The following GPHN variants were observed in gnomAD, a reference collection of about 807,000 sequenced individuals.
GPHN encodes the protein gephyrin.
Under a neutral mutation model 95.5 loss-of-function variants are expected in GPHN, and 17 were observed. The ratio of observed to expected loss-of-function variants is 0.18; its 90% CI spans 0.12 to 0.27. GPHN has a LOEUF of 0.27. Ranked by LOEUF, GPHN falls within the 10% of genes least tolerant of loss-of-function variation. The pLI is 1.00. For synonymous variants in GPHN, 320 were observed against 322.5 expected, an observed-to-expected ratio of 0.99 and a Z score of 0.08; for missense variants, 660 against 978.1, an observed-to-expected ratio of 0.67 and a Z score of 4.34.
chr14:66,572,705 A>G (rs1330316666), intron 1 of GPHN, among the ~76,000 whole-genome samples: 2 of 152,080 alleles, frequency 1.3e-5, no homozygotes, highest in African/African-American at 4.8e-5. Flanking sequence ...GTCAGCAACC[A>G]AAGACAATAT....
chr14:67,554,683 G>A, the GPHN span, among the ~76,000 whole-genome samples: 5 of 152,156 alleles, frequency 3.3e-5, no homozygotes, highest in African/African-American at 1.2e-4. Flanking sequence ...GACATCTAAC[G>A]CACACTTCAC....
chr14:66,956,825 G>A (rs1182417541), intron 8 of GPHN, among the ~76,000 whole-genome samples: 1 of 151,866 alleles, frequency 6.6e-6, no homozygotes, highest in African/African-American at 2.4e-5. Context: ...GGATATGGAT[G>A]AAATTGGAAA....
chr14:67,604,343 A>T, the GPHN span, among the ~76,000 whole-genome samples: 4 of 152,306 alleles, frequency 2.6e-5, no homozygotes, highest in Admixed American at 2.6e-4. Flanking sequence ...ATAAAGTCCA[A>T]TTTATCAATC....
intron 1 of GPHN, among the ~76,000 whole-genome samples, chr14:66,561,807 G>T (rs960997023): frequency 1.3e-5 from 2 of 152,062 alleles, no homozygotes; most frequent in Non-Finnish European, 2.9e-5. Flanking sequence ...GAAGATCAGA[G>T]GTCCAATACA....
the GPHN span, among the ~76,000 whole-genome samples, chr14:67,687,799 G>A: frequency 7.4e-5 from 10 of 134,608 alleles, 1 homozygote; most frequent in Admixed American, 2.3e-4. Context: ...TTCAGACAGA[G>A]TTTTACTCGT....
chr14:67,199,797 C>G, the GPHN span: 7 of 1,521,518 alleles, frequency 4.6e-6, no homozygotes, highest in Non-Finnish European at 8.9e-7. Flanking sequence ...TTCCCACCCC[C>G]AGTGCTGCCT....
Position 67,143,403 on chromosome 14 carries a change from G to T in GPHN, c.1790G>T (p.Arg597Leu). 6.2e-7 allele frequency: 1 copy of T among 1,611,302 alleles called. No individual in the cohort carries two copies. The highest frequency in any genetic ancestry group is 8.5e-7 in the Non-Finnish European group (1 of 1,177,496). ...LLNALNEGIS[R>L]ADVIITSGGV... ...AATGCCTTGAATGAGGGTATCAGTC[G>T]TGCTGATGTCATCATCACATCAGGG... Residue 597 changes from arginine (R) to leucine (L), a missense_variant, in exon 18 of 23, where the codon CGT becomes CTT. Transcript: ENST00000478722.
At chr14:67,160,013 C>T (rs2081876000) in intron 19 of GPHN, among the ~76,000 whole-genome samples, 1 of 152,166 alleles carries the variant, frequency 6.6e-6, no homozygotes, top group African/African-American at 2.4e-5. Context: ...ATAAATAATA[C>T]TTTAATATCA....
At chr14:66,574,507 T>C (rs1323528238) in intron 1 of GPHN, among the ~76,000 whole-genome samples, 1 of 152,266 alleles carries the variant, frequency 6.6e-6, no homozygotes, top group Non-Finnish European at 1.5e-5. Flanking sequence ...TATTTTCATA[T>C]GTTTACATGT....
At chr14:67,183,952 C>G (rs1443240034), downstream of GPHN, among the ~76,000 whole-genome samples, 1 of 151,888 alleles carries the variant, frequency 6.6e-6, no homozygotes, top group Non-Finnish European at 1.5e-5. Context: ...TCCCTGGGCT[C>G]AAGTGATCCT....
intron 3 of GPHN, among the ~76,000 whole-genome samples, chr14:66,796,893 C>T (rs1017016354): frequency 1.3e-5 from 2 of 151,918 alleles, no homozygotes; most frequent in African/African-American, 4.8e-5. Flanking sequence ...GAAATCTTTG[C>T]CCAGATCAAT....
At chr14:67,114,953 G>A (rs945076757) in intron 16 of GPHN, among the ~76,000 whole-genome samples, 1 of 152,140 alleles carries the variant, frequency 6.6e-6, no homozygotes, top group Admixed American at 6.5e-5. Flanking sequence ...AGAGTTTGTA[G>A]TCTTAGTTCC....
chr14:67,101,919 T>C (rs2077721199), intron 13 of GPHN, among the ~76,000 whole-genome samples: 1 of 152,034 alleles, frequency 6.6e-6, no homozygotes, highest in African/African-American at 2.4e-5. Flanking sequence ...TTGCCCAGGC[T>C]GGAGTGCAGT....
At chr14:67,575,228 C>T in the GPHN span, among the ~76,000 whole-genome samples, 1 of 152,172 alleles carries the variant, frequency 6.6e-6, no homozygotes, top group Non-Finnish European at 1.5e-5. Flanking sequence ...GGTGTCATGG[C>T]ACCCTCACTG....
At chr14:67,228,421 T>C in the GPHN span, 912 of 387,302 alleles carry the variant, frequency 2.4e-3, 6 homozygotes, top group African/African-American at 0.019. Context: ...TTCTCCACCT[T>C]TTTTTAAAAT....
chr14:67,388,217 A>G, the GPHN span: 2 of 1,602,786 alleles, frequency 1.2e-6, no homozygotes, highest in Non-Finnish European at 1.7e-6. Flanking sequence ...CTGAAGTTGT[A>G]CCTTACCAGT....
chr14:67,208,374 A>C, the GPHN span: 1 of 1,614,038 alleles, frequency 6.2e-7, no homozygotes, highest in Non-Finnish European at 8.5e-7. Context: ...AATACATCCA[A>C]GGAGATGAAG....
chr14:66,742,785 G>A (rs1194452667), intron 2 of GPHN, among the ~76,000 whole-genome samples: 6 of 151,870 alleles, frequency 4.0e-5, no homozygotes, highest in African/African-American at 4.8e-5. Flanking sequence ...TTTTTGAGAC[G>A]GAGTCTCGCT....
intron 4 of GPHN, among the ~76,000 whole-genome samples, chr14:66,863,080 A>G (rs1596190139): frequency 6.6e-6 from 1 of 152,258 alleles, no homozygotes; most frequent in East Asian, 1.9e-4. Flanking sequence ...GAAAAAAACT[A>G]AAGACTCCAC....
Sources: allele counts gnomAD v4.1 joint callset (sites outside exome capture counted in the v4.1 genomes callset), GRCh38; gene constraint gnomAD v4.1.1; transcripts MANE v1.5; gene names NCBI Gene and HGNC (gene_info 2026-07-23, HGNC 2026-07-21).